The following KCNIP4 variants were observed in gnomAD, a reference collection of about 807,000 sequenced individuals.
The protein encoded by KCNIP4 is potassium voltage-gated channel interacting protein 4, also known as Kv channel-interacting protein 4.
In KCNIP4, 12 loss-of-function variants were observed where a neutral mutation model predicts 34.0. That is an observed-to-expected ratio of 0.35 (90% CI 0.23 to 0.57). The LOEUF is 0.57. Ranked by LOEUF, KCNIP4 falls within the 20% of genes least tolerant of loss-of-function variation. The probability of loss-of-function intolerance (pLI) is 0.83; values close to 1 mark genes in which losing one functional copy is unlikely to be tolerated. For missense variants in KCNIP4, 238 were observed against 311.7 expected (o/e 0.76, Z 1.78); for synonymous variants, 124 against 102.2 (o/e 1.21, Z -1.29).
intron 1 of KCNIP4, chr4:21,303,788 C>A (rs766165356): frequency 5.0e-6 from 8 of 1,602,094 alleles, no homozygotes; most frequent in Non-Finnish European, 6.8e-6. Flanking sequence ...TTAGAAGTCA[C>A]TAAAAAGCAC....
At chr4:21,725,507 T>C (rs901931025) in intron 1 of KCNIP4, among the ~76,000 whole-genome samples, 2 of 152,192 alleles carry the variant, frequency 1.3e-5, no homozygotes, top group Admixed American at 6.5e-5. Flanking sequence ...CTATCTATGA[T>C]GCATCTGGCT....
chr4:21,652,367 G>GA (rs1044482844), intron 1 of KCNIP4, among the ~76,000 whole-genome samples: 2 of 152,124 alleles, frequency 1.3e-5, no homozygotes. Flanking sequence ...CCATTTTGAT[G>GA]AAAAAGTATA....
intron 1 of KCNIP4, among the ~76,000 whole-genome samples, chr4:21,423,015 C>T (rs1560390496): frequency 6.6e-6 from 1 of 152,058 alleles, no homozygotes; most frequent in Non-Finnish European, 1.5e-5. Flanking sequence ...ACAATTATGC[C>T]CAACTTTATC....
chr4:21,000,810 G>A (rs969445650), intron 1 of KCNIP4, among the ~76,000 whole-genome samples: 6 of 152,092 alleles, frequency 3.9e-5, no homozygotes, highest in African/African-American at 1.4e-4. Context: ...TCTCCACTAT[G>A]TGCCTTGATC....
chr4:21,141,678 T>A (rs534681103), intron 1 of KCNIP4, among the ~76,000 whole-genome samples: 1 of 152,290 alleles, frequency 6.6e-6, no homozygotes, highest in Non-Finnish European at 1.5e-5. Context: ...GTATGACCCA[T>A]CTTTTATTGA....
intron 1 of KCNIP4, among the ~76,000 whole-genome samples, chr4:21,597,166 T>C (rs1024968652): frequency 6.6e-6 from 1 of 151,974 alleles, no homozygotes; most frequent in Non-Finnish European, 1.5e-5. Context: ...AGGGACCTGG[T>C]GGGAGATAAT....
chr4:21,177,858 T>TTATATATATATATA (rs3080785), intron 1 of KCNIP4, among the ~76,000 whole-genome samples: 74 of 139,306 alleles, frequency 5.3e-4, no homozygotes, highest in African/African-American at 2.0e-3. Context: ...AAAAAAAAAA[T>TTATATATATATATA]TATATATATA....
At chr4:20,910,403 A>G (rs1300009798) in intron 1 of KCNIP4, among the ~76,000 whole-genome samples, 1 of 152,028 alleles carries the variant, frequency 6.6e-6, no homozygotes, top group Non-Finnish European at 1.5e-5. Context: ...TCATTACCCA[A>G]CAGATCTATC....
intron 1 of KCNIP4, among the ~76,000 whole-genome samples, chr4:21,119,347 C>A (rs951493838): frequency 4.0e-5 from 6 of 151,258 alleles, no homozygotes; most frequent in African/African-American, 1.2e-4. Context: ...AGTGGCTATA[C>A]CCCTGTCCCT....
chr4:21,086,295 T>C lies in KCNIP4; in HGVS notation c.62-203586A>G, dbSNP rs137873480. On this transcript the variant is annotated intron_variant, in intron 1 of 8. Coordinates refer to ENST00000382152, the MANE Select transcript of KCNIP4 (RefSeq NM_025221.6). ...CATGCTGTTTACTTTCACTGCACTC[T>C]AGTTCCACTTCCTGTCAGACTCTAT... Among the ~76,000 whole-genome samples the C allele has an allele frequency of 4.0e-3, 612 of 152,318 alleles. 1 individual carries two copies. Among genetic ancestry groups the C allele is most frequent in the African/African-American group, 0.014 (575 of 41,574 alleles).
intron 1 of KCNIP4, among the ~76,000 whole-genome samples, chr4:21,118,872 C>A (rs1353847475): frequency 1.3e-5 from 2 of 152,146 alleles, no homozygotes. Context: ...GACTTCTTGC[C>A]AGTGTTACAG....
chr4:21,250,931 A>G (rs189400014), intron 1 of KCNIP4, among the ~76,000 whole-genome samples: 1 of 151,106 alleles, frequency 6.6e-6, no homozygotes, highest in East Asian at 1.9e-4. Flanking sequence ...ATATATTTAA[A>G]TATACATATA....
chr4:21,730,283 C>T (rs1715493955), intron 1 of KCNIP4, among the ~76,000 whole-genome samples: 2 of 152,188 alleles, frequency 1.3e-5, no homozygotes, highest in African/African-American at 2.4e-5. Context: ...TCTGCTTCTT[C>T]TTAAACCCTC....
At chr4:20,930,607 A>C (rs560600158) in intron 1 of KCNIP4, among the ~76,000 whole-genome samples, 2 of 152,088 alleles carry the variant, frequency 1.3e-5, no homozygotes, top group Non-Finnish European at 2.9e-5. Context: ...TTCACACAGC[A>C]TATCTCCTAA....
At chr4:21,281,692 G>A (rs931757459) in intron 1 of KCNIP4, among the ~76,000 whole-genome samples, 2 of 152,172 alleles carry the variant, frequency 1.3e-5, no homozygotes, top group African/African-American at 4.8e-5. Flanking sequence ...AGCATCATGA[G>A]AGTGTTGGGT....
At position 21,105,962 on chromosome 4, in the gene KCNIP4, G is replaced by A. The variant is rs559108961; in HGVS notation, c.62-223253C>T. 3.2e-4 allele frequency among the ~76,000 whole-genome samples: 48 copies of A among 151,506 alleles called. 2 individuals are homozygous for A. The highest frequency in any genetic ancestry group is 1.2e-3 in the African/African-American group (47 of 40,866). On this transcript the variant is annotated intron_variant, in intron 1 of 8. Coordinates refer to ENST00000382152, the MANE Select transcript of KCNIP4 (RefSeq NM_025221.6). ...GGATGAAGCCCACTTGATCATGGTG[G>A]ATAAGCTTTTTGATGTGCTGCTGGA...
At chr4:21,637,141 A>G (rs1472724721) in intron 1 of KCNIP4, among the ~76,000 whole-genome samples, 1 of 152,204 alleles carries the variant, frequency 6.6e-6, no homozygotes, top group Non-Finnish European at 1.5e-5. Flanking sequence ...ACCCTTGAAT[A>G]TGGAGGGTGG....
intron 1 of KCNIP4, among the ~76,000 whole-genome samples, chr4:21,584,186 C>T (rs1192635737): frequency 6.6e-6 from 1 of 151,968 alleles, no homozygotes; most frequent in African/African-American, 2.4e-5. Context: ...CCCATTAACG[C>T]TTATACTTCA....
chr4:21,917,308 T>A (rs906038910), intron 1 of KCNIP4, among the ~76,000 whole-genome samples: 2 of 152,040 alleles, frequency 1.3e-5, no homozygotes, highest in African/African-American at 4.8e-5. Context: ...CTAATTTTTT[T>A]GTATTTTTAA....
Sources: allele counts gnomAD v4.1 joint callset (sites outside exome capture counted in the v4.1 genomes callset), GRCh38; gene constraint gnomAD v4.1.1; transcripts MANE v1.5; gene names NCBI Gene and HGNC (gene_info 2026-07-23, HGNC 2026-07-21).